HS3ST3A1: variants seen among roughly 807,000 people sequenced by gnomAD.
HS3ST3A1 encodes heparan sulfate-glucosamine 3-sulfotransferase 3A1, also known as heparan sulfate glucosamine 3-O-sulfotransferase 3A1.
Under a neutral mutation model 25.7 loss-of-function variants are expected in HS3ST3A1, and 19 were observed. That is an observed-to-expected ratio of 0.74 (90% confidence interval 0.52 to 1.08). The LOEUF is 1.08. HS3ST3A1 is among the 50% of genes least tolerant of loss of function. The pLI is 0.00. For synonymous variants in HS3ST3A1, 226 were observed against 278.6 expected (o/e 0.81, Z 1.88); for missense variants, 459 against 594.3 (o/e 0.77, Z 2.37).
At chr17:13,569,640 C>G (rs1049840477) in intron 1 of HS3ST3A1, among the ~76,000 whole-genome samples, 10 of 152,196 alleles carry the variant, frequency 6.6e-5, no homozygotes, top group African/African-American at 2.2e-4. Flanking sequence ...CTCTATACAA[C>G]CAGTAGCGAT....
chr17:13,579,701 CA>C (rs543748713), intron 1 of HS3ST3A1, among the ~76,000 whole-genome samples: 421 of 23,656 alleles, frequency 0.018, 3 homozygotes, highest in African/African-American at 0.075. Flanking sequence ...ACTCCATCTC[CA>C]AAAAAAAAAA....
intron 1 of HS3ST3A1, among the ~76,000 whole-genome samples, chr17:13,541,636 T>C (rs2142344988): frequency 6.6e-6 from 1 of 152,338 alleles, no homozygotes; most frequent in African/African-American, 2.4e-5. Context: ...TCTTGCTCCT[T>C]AAGGAGTCTC....
intron 1 of HS3ST3A1, among the ~76,000 whole-genome samples, chr17:13,563,803 A>T (rs929354415): frequency 5.3e-5 from 8 of 152,314 alleles, no homozygotes; most frequent in African/African-American, 1.9e-4. Context: ...ATGCGGTTGC[A>T]GCTCCTTCCT....
At chr17:13,507,756 GT>G (rs948720856) in intron 1 of HS3ST3A1, among the ~76,000 whole-genome samples, 12 of 152,188 alleles carry the variant, frequency 7.9e-5, no homozygotes, top group African/African-American at 2.7e-4. Flanking sequence ...AACTGTGTCT[GT>G]TTTTGGAAGC....
chr17:13,586,943 C>A (rs1320447150), intron 1 of HS3ST3A1, among the ~76,000 whole-genome samples: 1 of 136,168 alleles, frequency 7.3e-6, no homozygotes, highest in Non-Finnish European at 1.5e-5. Context: ...TACAAGATTT[C>A]TTACTAATAA....
intron 1 of HS3ST3A1, among the ~76,000 whole-genome samples, chr17:13,519,284 C>CA (rs1906150082): frequency 1.3e-5 from 2 of 152,188 alleles, no homozygotes; most frequent in Non-Finnish European, 2.9e-5. Flanking sequence ...ACAGAACTAA[C>CA]GTTCTAAAAA....
intron 1 of HS3ST3A1, among the ~76,000 whole-genome samples, chr17:13,574,134 CTTT>C (rs557193269): frequency 6.3e-5 from 8 of 126,014 alleles, no homozygotes; most frequent in African/African-American, 1.9e-4. Flanking sequence ...CCATATCACT[CTTT>C]TTTTTTTTTT....
intron 1 of HS3ST3A1, among the ~76,000 whole-genome samples, chr17:13,572,829 TA>T (rs1907853792): frequency 6.6e-6 from 1 of 152,250 alleles, no homozygotes; most frequent in African/African-American, 2.4e-5. Flanking sequence ...CTCAAGGAAC[TA>T]GCCGTCCTGT....
chr17:13,503,628 G>A (rs1905561471), intron 1 of HS3ST3A1, among the ~76,000 whole-genome samples: 1 of 152,162 alleles, frequency 6.6e-6, no homozygotes, highest in Admixed American at 6.6e-5. Flanking sequence ...AGAAGGCACT[G>A]AACTTCATCG....
At chr17:13,558,137 G>T (rs1169835239) in intron 1 of HS3ST3A1, among the ~76,000 whole-genome samples, 1 of 152,136 alleles carries the variant, frequency 6.6e-6, no homozygotes, top group African/African-American at 2.4e-5. Flanking sequence ...GAAAAGCCAG[G>T]CATAGAGGCT....
At chr17:13,537,468 A>G (rs1247045423) in intron 1 of HS3ST3A1, among the ~76,000 whole-genome samples, 1 of 152,080 alleles carries the variant, frequency 6.6e-6, no homozygotes, top group Non-Finnish European at 1.5e-5. Flanking sequence ...TCTTGTCCCC[A>G]TTACTTTGCA....
At chr17:13,559,481 A>G (rs1199100702) in intron 1 of HS3ST3A1, among the ~76,000 whole-genome samples, 1 of 149,650 alleles carries the variant, frequency 6.7e-6, no homozygotes, top group Admixed American at 6.7e-5. Context: ...AATGTTCTAT[A>G]TAAAATTTAA....
At position 13,496,095 on chromosome 17, in the gene HS3ST3A1, C is replaced by G. The variant is rs549042711; in HGVS notation, c.*102G>C. 3.0e-6 allele frequency: 4 copies of G among 1,321,496 alleles called. No individual in the cohort carries two copies. The highest frequency in any genetic ancestry group is 3.0e-5 in the African/African-American group (2 of 67,348). 81.9% of individuals were successfully genotyped at this position (1,321,496 alleles called of 1,614,324 possible). On this transcript the variant is annotated 3_prime_UTR_variant, in exon 2 of 2. Coordinates refer to ENST00000284110, the MANE Select transcript of HS3ST3A1 (RefSeq NM_006042.3). Reference sequence around the variant, plus strand: ...CTCTTAACATTCATTGAAAAAAATACTGAAACATATTTTCAGCACAAATAT... The same window carrying G: ...CTCTTAACATTCATTGAAAAAAATAGTGAAACATATTTTCAGCACAAATAT...
intron 1 of HS3ST3A1, among the ~76,000 whole-genome samples, chr17:13,563,462 A>G (rs1042334746): frequency 1.3e-5 from 2 of 152,174 alleles, no homozygotes; most frequent in African/African-American, 4.8e-5. Context: ...GAATTGGAGC[A>G]GGATGTATGT....
At position 13,500,895 on chromosome 17, in the gene HS3ST3A1, G is replaced by A. The variant is rs776198439; in HGVS notation, c.600-4077C>T. Among the ~76,000 whole-genome samples, 5 of 152,100 alleles carry A rather than the reference G, an allele frequency of 3.3e-5. No homozygotes were observed. In the South Asian group the frequency reaches 8.3e-4, roughly 25 times the overall value. ...CACAAGTGTGTATTGACAGATGAACGGATAAACAAAATGTGGTTTATGCAT... is the reference window on the plus strand; with the variant it reads ...CACAAGTGTGTATTGACAGATGAACAGATAAACAAAATGTGGTTTATGCAT... On this transcript the variant is annotated intron_variant, in intron 1 of 1. Coordinates refer to ENST00000284110, the MANE Select transcript of HS3ST3A1 (RefSeq NM_006042.3).
At chr17:13,598,331 T>G (rs1908635900) in intron 1 of HS3ST3A1, among the ~76,000 whole-genome samples, 1 of 152,128 alleles carries the variant, frequency 6.6e-6, no homozygotes, top group Non-Finnish European at 1.5e-5. Flanking sequence ...AGAGCCAAGA[T>G]GAAAGAGAAC....
At position 13,551,625 on chromosome 17, in the gene HS3ST3A1, A is replaced by G. The variant is rs12939529; in HGVS notation, c.599+48906T>C. ...TAAATTTCATTCCAAGAAAAAAAAA[A>G]GGGGGGGGGGTATTTTTACGTTATT... On this transcript the variant is annotated intron_variant, in intron 1 of 1. Coordinates refer to ENST00000284110, the MANE Select transcript of HS3ST3A1 (RefSeq NM_006042.3). Among the ~76,000 whole-genome samples the G allele has an allele frequency of 1.6e-3, 173 of 105,578 alleles. 2 individuals carry two copies. Among genetic ancestry groups the G allele is most frequent in the Non-Finnish European group, 2.0e-3 (102 of 50,070 alleles). The allele number at this position is 105,578 out of a possible 152,430, so 69.3% of individuals were successfully genotyped here. A position where few individuals can be genotyped will look rare whatever the true frequency, so the allele number is the denominator to read the frequency against.
At chr17:13,598,767 G>T (rs1237749911) in intron 1 of HS3ST3A1, among the ~76,000 whole-genome samples, 1 of 151,788 alleles carries the variant, frequency 6.6e-6, no homozygotes, top group African/African-American at 2.4e-5. Context: ...TGGAAAATAA[G>T]ATCCAGGTCT....
At chr17:13,586,144 G>C (rs1908260715) in intron 1 of HS3ST3A1, among the ~76,000 whole-genome samples, 1 of 151,896 alleles carries the variant, frequency 6.6e-6, no homozygotes, top group Admixed American at 6.6e-5. Flanking sequence ...ACCACAACCC[G>C]CCTCTGTGTT....
Sources: allele counts gnomAD v4.1 joint callset (sites outside exome capture counted in the v4.1 genomes callset), GRCh38; gene constraint gnomAD v4.1.1; transcripts MANE v1.5; gene names NCBI Gene and HGNC (gene_info 2026-07-23, HGNC 2026-07-21).